USP4: variants seen among roughly 807,000 people sequenced by gnomAD.
The protein encoded by USP4 is ubiquitin specific peptidase 4.
Under a neutral mutation model 118.2 loss-of-function variants are expected in USP4, and 72 were observed. The ratio of observed to expected loss-of-function variants is 0.61; its 90% CI spans 0.50 to 0.74. The LOEUF (loss-of-function observed/expected upper bound fraction) is 0.74, where lower values mean the gene tolerates loss of function less well. Among genes scored for constraint, USP4 ranks in the 30% least tolerant of loss-of-function variants. The probability of loss-of-function intolerance (pLI) is 0.00; values close to 1 mark genes in which losing one functional copy is unlikely to be tolerated. For missense variants in USP4, 1,037 were observed against 1,185.7 expected, an observed-to-expected ratio of 0.87 and a Z score of 1.84; for synonymous variants, 415 against 440.4, an observed-to-expected ratio of 0.94 and a Z score of 0.72.
chr3:49,330,095 T>C (rs2047598215), intron 2 of USP4, among the ~76,000 whole-genome samples: 1 of 151,888 alleles, frequency 6.6e-6, no homozygotes. Context: ...TGCTTGAACC[T>C]GGGAGGGAGA....
At chr3:49,310,591 G>A (rs1464405439) in intron 8 of USP4, 29 bp downstream of exon 8, 1 of 1,580,920 alleles carries the variant, frequency 6.3e-7, no homozygotes. Flanking sequence ...AAGATGCTGT[G>A]TTATTTGAAT....
At chr3:49,338,674 AAAAAAG>A (rs1286330321) in intron 1 of USP4, among the ~76,000 whole-genome samples, 1 of 151,330 alleles carries the variant, frequency 6.6e-6, no homozygotes, top group African/African-American at 2.4e-5. Context: ...AAAAAAAAAA[AAAAAAG>A]AAAAGAAAAG....
chr3:49,288,000 G>A (rs2047116164), intron 15 of USP4, among the ~76,000 whole-genome samples: 2 of 152,290 alleles, frequency 1.3e-5, no homozygotes, highest in South Asian at 4.1e-4. Context: ...AAAAGTAACA[G>A]AGAAGAGCAG....
chr3:49,278,867 A>G lies in USP4; in HGVS notation c.2680T>C (p.Trp894Arg), dbSNP rs2046988434. ...AYAKNKLNGK[W>R]YYFDDSNVSL... is the part of the protein sequence containing the mutation. ...ACGTTGCTATCATCAAAGTAATACC[A>G]TTTACCATTCAGTTTGTTCTTCGCA... The change falls in exon 21 of 22, where the codon TGG becomes CGG. Residue 894 changes from tryptophan to arginine, a missense_variant. Trp to Arg is a moderately radical substitution (Grantham distance 101). This residue lies in a region of USP4 where 522 missense variants were observed against 592.6 expected (regional missense o/e 0.88). Transcript: ENST00000265560. 8 of 1,612,660 alleles carry G rather than the reference A, an allele frequency of 5.0e-6. No homozygotes were observed. The highest frequency in any genetic ancestry group is 6.8e-6 in the Non-Finnish European group (8 of 1,179,402).
Position 49,298,620 on chromosome 3 carries a change from GCA to G in USP4, c.1526_1527del (p.Val509AlafsTer31), listed in dbSNP as rs772983281. 3 of 1,614,072 alleles carry G rather than the reference GCA, an allele frequency of 1.9e-6. No homozygotes were observed. Among genetic ancestry groups the G allele is most frequent in the Non-Finnish European group, 2.5e-6 (3 of 1,179,968 alleles). On this transcript the variant is annotated frameshift_variant, in exon 12 of 22. Coordinates refer to ENST00000265560, the MANE Select transcript of USP4 (RefSeq NM_003363.4). LOFTEE classifies it high-confidence loss of function. ...AGGTCGGACACAGCCCCCATCAGCGGCACAGTCACACGGTACTGCAAGACAGA... is the reference window on the plus strand; with the variant it reads ...AGGTCGGACACAGCCCCCATCAGCGGCAGTCACACGGTACTGCAAGACAGA... The part of the protein sequence containing the change: ...HCRPTQYRVT[V>X]PLMGAVSDLC...
chr3:49,311,902 C>G lies in USP4; in HGVS notation c.696-248G>C. Reference sequence around the variant, plus strand: ...TCAGTGTGAAAAACCACAAGGCTGACCAGGCGCAGTGGCTCGTGCCTGTAA... The same window carrying G: ...TCAGTGTGAAAAACCACAAGGCTGAGCAGGCGCAGTGGCTCGTGCCTGTAA... On this transcript the variant is annotated intron_variant, in intron 6 of 21. Transcript: ENST00000265560. 3.4e-6 allele frequency: 4 copies of G among 1,172,058 alleles called. No individual in the cohort carries two copies. The East Asian group carries it at 2.2e-4, about 64-fold the overall frequency. 72.6% of individuals were successfully genotyped at this position (1,172,058 alleles called of 1,614,324 possible).
chr3:49,298,724 G>A (rs1330229508), intron 11 of USP4, 89 bp from the exon 12 acceptor site: 5 of 1,159,602 alleles, frequency 4.3e-6, no homozygotes, highest in Non-Finnish European at 3.9e-6. Flanking sequence ...AGGGGCAGAG[G>A]AGCCCTTCTA....
In USP4 at chr3:49,278,120, C is replaced by G; in HGVS notation, c.*173G>C. ...AAAATAATTCAGCCTCTTGACATAG[C>G]TTCTTCTAGGTAAACGGTCTTCTTT... On this transcript the variant is annotated 3_prime_UTR_variant, in exon 22 of 22. Transcript: ENST00000265560. 1.4e-6 allele frequency: 1 copy of G among 723,650 alleles called. No homozygotes were observed. The highest frequency in any genetic ancestry group is 2.8e-5 in the South Asian group (1 of 35,234). The allele number at this position is 723,650 out of a possible 1,614,324, so 44.8% of individuals were successfully genotyped here. A position where few individuals can be genotyped will look rare whatever the true frequency, so the allele number is the denominator to read the frequency against.
intron 8 of USP4, among the ~76,000 whole-genome samples, chr3:49,308,279 G>A (rs1467798992): frequency 6.6e-6 from 1 of 151,974 alleles, no homozygotes; most frequent in East Asian, 1.9e-4. Flanking sequence ...TGGGTCACAT[G>A]GTATCAGTTC....
At chr3:49,339,742 G>T (rs2047716989) in intron 1 of USP4, among the ~76,000 whole-genome samples, 182 bp downstream of exon 1, 1 of 152,090 alleles carries the variant, frequency 6.6e-6, no homozygotes, top group African/African-American at 2.4e-5. Flanking sequence ...CGACACTCAG[G>T]CCCCGCCTGC....
intron 1 of USP4, 97 bp from the exon 2 acceptor site, chr3:49,335,693 C>A: frequency 7.1e-7 from 1 of 1,405,830 alleles, no homozygotes. Flanking sequence ...CCACTTGGGG[C>A]ATATGCAATA....
At position 49,284,027 on chromosome 3, in the gene USP4, A is replaced by G. The variant is rs142666599; in HGVS notation, c.2500T>C (p.Trp834Arg). The G allele has an allele frequency of 3.7e-6, 6 of 1,614,138 alleles. No individual in the cohort carries two copies. Among genetic ancestry groups the G allele is most frequent in the Non-Finnish European group, 5.1e-6 (6 of 1,180,054 alleles). Residue 834 changes from tryptophan (W) to arginine (R), a missense_variant, in exon 19 of 22, where the codon TGG becomes CGG. Trp to Arg is a moderately radical substitution (Grantham distance 101). Around this residue, in one of 3 missense-constraint regions of USP4, gnomAD observed 522 missense variants for 592.6 expected, o/e 0.88. Coordinates refer to ENST00000265560, the MANE Select transcript of USP4 (RefSeq NM_003363.4). ...ACGACTGTGTCGAGCTTATCCCTCC[A>G]GTATCTGTTGTAGGAGAAACGTTTG... is the stretch of plus-strand genomic sequence containing the variant. ...HLKRFSYNRY[W>R]RDKLDTVVEF...
intron 19 of USP4, among the ~76,000 whole-genome samples, chr3:49,283,079 AATCTT>A (rs1290313398): frequency 8.2e-5 from 11 of 134,098 alleles, no homozygotes; most frequent in Non-Finnish European, 1.5e-4. Context: ...GCAGTGGTGC[AATCTT>A]GGCTCACTGC....
chr3:49,300,623 A>T lies in USP4; in HGVS notation c.1356T>A (p.His452Gln). The T allele has an allele frequency of 6.2e-7, 1 of 1,614,238 alleles. No individual in the cohort carries two copies. Among genetic ancestry groups the T allele is most frequent in the Non-Finnish European group, 8.5e-7 (1 of 1,180,050 alleles). The stretch of plus-strand genomic sequence containing the variant: ...AAACCAAAGTAGATTTGAAGAGGCC[A>T]TGGAAAGTATCCACAATCACAGAAT... ...RNDSVIVDTF[H>Q]GLFKSTLVCP... Residue 452 changes from histidine (H) to glutamine (Q), a missense_variant, in exon 11 of 22, where the codon CAT becomes CAA. Coordinates refer to ENST00000265560, the MANE Select transcript of USP4 (RefSeq NM_003363.4).
Position 49,311,638 on chromosome 3 carries a change from T to G in USP4, c.712A>C (p.Ser238Arg). 6.2e-7 allele frequency: 1 copy of G among 1,613,838 alleles called. No homozygotes were observed. The highest frequency in any genetic ancestry group is 8.5e-7 in the Non-Finnish European group (1 of 1,179,830). ...TLQSKSSTAPSRNFTTSPKSS... is the reference protein window; with the variant it reads ...TLQSKSSTAPRRNFTTSPKSS... ...TTTGGAGAGGTAGTAAAATTTCTGC[T>G]AGGCGCAGTGCTTGATCTGGGAGAG... The change falls in exon 7 of 22, where the codon AGC (serine) becomes CGC (arginine). Residue 238 changes from serine to arginine, a missense_variant. Physicochemically the swap from Ser to Arg is moderately radical, Grantham distance 110. This residue lies in a region of USP4 where 487 missense variants were observed against 534.1 expected (regional missense o/e 0.91). Transcript: ENST00000265560.
intron 6 of USP4, chr3:49,317,542 G>T (rs1052349055): frequency 6.8e-5 from 35 of 514,102 alleles, no homozygotes; most frequent in African/African-American, 2.0e-4. Flanking sequence ...TTGTTTGTTT[G>T]TTTTTTTTTT....
At chr3:49,300,443 C>T in intron 11 of USP4, 24 bp downstream of exon 11, 1 of 1,602,300 alleles carries the variant, frequency 6.2e-7, no homozygotes. Flanking sequence ...GTGAGGGGTG[C>T]CATAAGGGTG....
intron 20 of USP4, among the ~76,000 whole-genome samples, 190 bp downstream of exon 20, chr3:49,280,554 C>T (rs1418975110): frequency 1.5e-5 from 2 of 136,022 alleles, no homozygotes; most frequent in African/African-American, 2.8e-5. Context: ...AACGAGACTC[C>T]GTCTCAAAAA....
At chr3:49,339,118 G>C (rs898805266) in intron 1 of USP4, among the ~76,000 whole-genome samples, 4 of 152,348 alleles carry the variant, frequency 2.6e-5, no homozygotes, top group Non-Finnish European at 4.4e-5. Flanking sequence ...CTGCACTCCA[G>C]CTTGGGCAAC....
Sources: allele counts gnomAD v4.1 joint callset (sites outside exome capture counted in the v4.1 genomes callset), GRCh38; gene constraint gnomAD v4.1.1; regional missense constraint gnomAD v4.1.1; transcripts MANE v1.5; gene names NCBI Gene and HGNC (gene_info 2026-07-23, HGNC 2026-07-21).